Variants in CLSTN2 observed in about 807,000 individuals in gnomAD.
The protein encoded by CLSTN2 is calsyntenin 2.
A neutral mutation model predicts 101.2 loss-of-function variants in CLSTN2; 48 were observed. The observed-to-expected ratio is 0.47, with a 90% CI of 0.38 to 0.60. The LOEUF (loss-of-function observed/expected upper bound fraction) is 0.60. Ranked by LOEUF, CLSTN2 falls within the 20% of genes least tolerant of loss-of-function variation. CLSTN2 has a pLI of 0.00. For synonymous variants in CLSTN2, 481 were observed against 463.6 expected (o/e 1.04, Z -0.48); for missense variants, 1,160 against 1,238.2 (o/e 0.94, Z 0.95).
intron 1 of CLSTN2, among the ~76,000 whole-genome samples, chr3:140,098,654 A>G (rs1320563114): frequency 6.6e-6 from 1 of 152,222 alleles, no homozygotes; most frequent in Non-Finnish European, 1.5e-5. Flanking sequence ...AGCAATTACT[A>G]AATACTCAAA....
chr3:140,553,778 A>C (rs901166135), intron 10 of CLSTN2, among the ~76,000 whole-genome samples: 1 of 152,184 alleles, frequency 6.6e-6, no homozygotes, highest in Non-Finnish European at 1.5e-5. Context: ...CATTGGCCAG[A>C]GGTAGTCATG....
chr3:140,412,753 A>T (rs375603242), intron 4 of CLSTN2, among the ~76,000 whole-genome samples: 111 of 152,354 alleles, frequency 7.3e-4, no homozygotes, highest in Middle Eastern at 3.4e-3. Context: ...AAGCTAGAAA[A>T]TTCACAAATA....
At chr3:140,133,405 T>C (rs2009552729) in intron 1 of CLSTN2, among the ~76,000 whole-genome samples, 1 of 152,222 alleles carries the variant, frequency 6.6e-6, no homozygotes, top group Non-Finnish European at 1.5e-5. Context: ...ACTTTGAAAC[T>C]ACACAGAGGC....
intron 1 of CLSTN2, among the ~76,000 whole-genome samples, chr3:139,959,308 C>T (rs922305599): frequency 6.6e-6 from 1 of 152,204 alleles, no homozygotes; most frequent in Admixed American, 6.5e-5. Flanking sequence ...CTTAGCTTCC[C>T]ATTCTCCATC....
At chr3:140,004,503 A>T (rs977963309) in intron 1 of CLSTN2, among the ~76,000 whole-genome samples, 1 of 152,206 alleles carries the variant, frequency 6.6e-6, no homozygotes, top group Non-Finnish European at 1.5e-5. Context: ...AGCAGGGAGG[A>T]TGAACCTCTA....
At chr3:139,958,914 G>C (rs1463956623) in intron 1 of CLSTN2, among the ~76,000 whole-genome samples, 1 of 150,146 alleles carries the variant, frequency 6.7e-6, no homozygotes, top group Admixed American at 6.7e-5. Flanking sequence ...TTGCCTGTTT[G>C]GTGTCAGATC....
intron 1 of CLSTN2, among the ~76,000 whole-genome samples, chr3:140,149,816 A>G (rs2009834646): frequency 6.6e-6 from 1 of 152,220 alleles, no homozygotes; most frequent in African/African-American, 2.4e-5. Flanking sequence ...TACTTATGCT[A>G]AAAATAGTTT....
chr3:140,576,766 G>A lies in CLSTN2; in HGVS notation c.*10513G>A, dbSNP rs144790996. 15 of 152,348 alleles carry A rather than the reference G, an allele frequency of 9.8e-5. No homozygotes were observed. In the East Asian group the frequency reaches 2.9e-3, roughly 29 times the overall value. The allele number at this position is 152,348 out of a possible 1,614,324, so 9.4% of individuals were successfully genotyped here. A position where few individuals can be genotyped will look rare whatever the true frequency, so the allele number is the denominator to read the frequency against. ...TGGCTTTGCCTCCAGCGGTGGACCAGTGTGTACCTGACATGTATCAGACTT... is the reference window on the plus strand; with the variant it reads ...TGGCTTTGCCTCCAGCGGTGGACCAATGTGTACCTGACATGTATCAGACTT... On this transcript the variant is annotated 3_prime_UTR_variant, in exon 17 of 17. Coordinates refer to ENST00000458420, the MANE Select transcript of CLSTN2 (RefSeq NM_022131.3).
intron 1 of CLSTN2, among the ~76,000 whole-genome samples, chr3:139,946,689 CAGA>C (rs1935220558): frequency 1.3e-5 from 2 of 152,178 alleles, no homozygotes; most frequent in Non-Finnish European, 1.5e-5. Context: ...AAGGATCAGC[CAGA>C]AGAAGACTTC....
At chr3:140,309,868 T>G (rs1323734072) in intron 2 of CLSTN2, among the ~76,000 whole-genome samples, 3 of 152,054 alleles carry the variant, frequency 2.0e-5, no homozygotes, top group Non-Finnish European at 2.9e-5. Context: ...TCCTTCCCAC[T>G]CTACTCAGCA....
At chr3:140,470,903 C>A (rs577958669) in intron 8 of CLSTN2, among the ~76,000 whole-genome samples, 39 of 152,262 alleles carry the variant, frequency 2.6e-4, no homozygotes, top group African/African-American at 9.4e-4. Flanking sequence ...GTGGTTTTCA[C>A]ATAGCCCTTC....
At chr3:140,473,138 G>C (rs1221977750) in intron 8 of CLSTN2, among the ~76,000 whole-genome samples, 14 of 152,186 alleles carry the variant, frequency 9.2e-5, no homozygotes. Flanking sequence ...CTTTTTGAGA[G>C]AGTGCCAGTG....
chr3:140,380,694 C>T (rs2087971245), intron 2 of CLSTN2, among the ~76,000 whole-genome samples: 1 of 152,154 alleles, frequency 6.6e-6, no homozygotes, highest in Admixed American at 6.5e-5. Context: ...TGCATAACTC[C>T]TCACTCATTC....
chr3:140,378,396 C>T (rs1257938815), intron 2 of CLSTN2, among the ~76,000 whole-genome samples: 1 of 152,218 alleles, frequency 6.6e-6, no homozygotes, highest in African/African-American at 2.4e-5. Context: ...AATTCTATTC[C>T]AGGCCCTTTA....
chr3:140,436,300 A>T (rs2088686826), intron 5 of CLSTN2, among the ~76,000 whole-genome samples: 1 of 152,194 alleles, frequency 6.6e-6, no homozygotes, highest in African/African-American at 2.4e-5. Flanking sequence ...TCTTCTGCAT[A>T]TGCATATCCA....
chr3:139,938,566 G>T (rs578209311), intron 1 of CLSTN2, among the ~76,000 whole-genome samples: 1 of 152,272 alleles, frequency 6.6e-6, no homozygotes, highest in South Asian at 2.1e-4. Flanking sequence ...ATACTTCTTG[G>T]ATTCCATGAA....
chr3:140,158,109 G>C (rs543266158), intron 1 of CLSTN2, among the ~76,000 whole-genome samples: 2 of 152,078 alleles, frequency 1.3e-5, no homozygotes, highest in Non-Finnish European at 2.9e-5. Flanking sequence ...ACACTAAATG[G>C]GCAAAAGCTG....
chr3:140,056,123 C>A (rs1259477605), intron 1 of CLSTN2, among the ~76,000 whole-genome samples: 1 of 151,888 alleles, frequency 6.6e-6, no homozygotes, highest in Non-Finnish European at 1.5e-5. Context: ...GCCCAGGCCA[C>A]ATTGGAGAAG....
intron 2 of CLSTN2, among the ~76,000 whole-genome samples, chr3:140,335,980 T>A (rs1431200253): frequency 6.6e-6 from 1 of 152,184 alleles, no homozygotes; most frequent in Non-Finnish European, 1.5e-5. Flanking sequence ...CAAGTCTAGG[T>A]TAAACTAGAC....
Sources: allele counts gnomAD v4.1 joint callset (sites outside exome capture counted in the v4.1 genomes callset), GRCh38; gene constraint gnomAD v4.1.1; transcripts MANE v1.5; gene names NCBI Gene and HGNC (gene_info 2026-07-23, HGNC 2026-07-21).